RBM33: variants seen among roughly 807,000 people sequenced by gnomAD.
The protein encoded by RBM33 is RNA binding motif protein 33.
A neutral mutation model predicts 132.6 loss-of-function variants in RBM33; 28 were observed. That is an observed-to-expected ratio of 0.21 (90% CI 0.16 to 0.29). The LOEUF is 0.29. Ranked by LOEUF, RBM33 falls within the 10% of genes least tolerant of loss-of-function variation. RBM33 has a pLI of 1.00. For synonymous variants in RBM33, 634 were observed against 593.0 expected, an observed-to-expected ratio of 1.07 and a Z score of -1.01; for missense variants, 1,291 against 1,518.5, an observed-to-expected ratio of 0.85 and a Z score of 2.49.
At chr7:155,715,741 G>T (rs1035954115) in intron 8 of RBM33, among the ~76,000 whole-genome samples, 1 of 152,188 alleles carries the variant, frequency 6.6e-6, no homozygotes, top group Non-Finnish European at 1.5e-5. Flanking sequence ...CGAAGCAGTT[G>T]TTTATTCTCT....
chr7:155,742,055 G>A lies in RBM33; in HGVS notation c.2286G>A (p.Lys762=). 2 of 1,613,988 alleles carry A rather than the reference G, an allele frequency of 1.2e-6. No individual in the cohort carries two copies. The highest frequency in any genetic ancestry group is 1.7e-6 in the Non-Finnish European group (2 of 1,179,898). Residue 762 remains lysine, a synonymous_variant, in exon 13 of 18, where the codon AAG becomes AAA. Coordinates refer to ENST00000401878, the MANE Select transcript of RBM33 (RefSeq NM_053043.3). ...AGGGAAAGACGGAAGTGAAAGTCAAGCCAGCTAGCCCTGTGGCTCAACCTA... is the reference window on the plus strand; with the variant it reads ...AGGGAAAGACGGAAGTGAAAGTCAAACCAGCTAGCCCTGTGGCTCAACCTA... The part of the protein sequence containing the change: ...SSQGKTEVKV[K]PASPVAQPKE...
At chr7:155,772,344 G>A (rs1428760787) in intron 16 of RBM33, among the ~76,000 whole-genome samples, 5 of 152,194 alleles carry the variant, frequency 3.3e-5, no homozygotes, top group Non-Finnish European at 7.3e-5. Context: ...ACTCCACACA[G>A]CCCCTTACCT....
At chr7:155,671,123 A>T (rs1798932591) in intron 2 of RBM33, among the ~76,000 whole-genome samples, 2 of 152,194 alleles carry the variant, frequency 1.3e-5, no homozygotes, top group South Asian at 4.1e-4. Context: ...GTTATCTGGA[A>T]TCAAATTTTC....
At chr7:155,722,869 A>G (rs1800668478) in intron 9 of RBM33, among the ~76,000 whole-genome samples, 1 of 152,238 alleles carries the variant, frequency 6.6e-6, no homozygotes, top group Admixed American at 6.5e-5. Context: ...TTGATTTTAC[A>G]TTGGTGTTTC....
At position 155,737,579 on chromosome 7, in the gene RBM33, T is replaced by G. The variant is rs1241164463; in HGVS notation, c.1310T>G (p.Phe437Cys). The G allele has an allele frequency of 2.5e-6, 4 of 1,613,366 alleles. No individual in the cohort carries two copies. In the Admixed American group the frequency reaches 6.7e-5, roughly 27 times the overall value. ...ACACCTGGACCTGTTCCCAACAGTT[T>G]CAGCCAGCCCCCACGACTCCCTCTC... is the stretch of plus-strand genomic sequence containing the variant. ...QHTPGPVPNS[F>C]SQPPRLPLQD... The change falls in exon 10 of 18, where the codon TTC (phenylalanine) becomes TGC (cysteine). Residue 437 changes from phenylalanine to cysteine, a missense_variant. By Grantham distance (205) the Phe-to-Cys change is radical. Around this residue, in one of 7 missense-constraint regions of RBM33, gnomAD observed 841 missense variants for 912.0 expected, o/e 0.92. Transcript: ENST00000401878.
At chr7:155,688,633 T>C (rs1439149497) in intron 5 of RBM33, among the ~76,000 whole-genome samples, 1 of 152,222 alleles carries the variant, frequency 6.6e-6, no homozygotes, top group Admixed American at 6.5e-5. Context: ...TAGCTCTTAT[T>C]ATTTTGAGAT....
chr7:155,686,061 T>A (rs901327301), intron 5 of RBM33, among the ~76,000 whole-genome samples: 4 of 152,230 alleles, frequency 2.6e-5, no homozygotes, highest in African/African-American at 9.6e-5. Context: ...TGTGTGTGTG[T>A]GCTTTCTTCT....
Position 155,711,454 on chromosome 7 carries a change from A to G in RBM33, c.1200A>G (p.Gln400=). 7.0e-7 allele frequency: 1 copy of G among 1,431,694 alleles called. No homozygotes were observed. The highest frequency in any genetic ancestry group is 9.2e-7 in the Non-Finnish European group (1 of 1,090,040). 88.7% of individuals were successfully genotyped at this position (1,431,694 alleles called of 1,614,324 possible). A position where few individuals can be genotyped will look rare whatever the true frequency, so the allele number is the denominator to read the frequency against. The change falls in exon 8 of 18, where the codon CAA becomes CAG. Residue 400 remains glutamine, a splice_region_variant and synonymous_variant. Coordinates refer to ENST00000401878, the MANE Select transcript of RBM33 (RefSeq NM_053043.3). ...AAGGGACGGTGGTCACGCCTGTTCA[A>G]GGTCTGTGTTTCCTTTTACTATTGT... ...HFKGTVVTPV[Q]VPLLPVPSQP...
chr7:155,781,291 C>T lies in RBM33; in HGVS notation c.*6250C>T, dbSNP rs375523812. On this transcript the variant is annotated 3_prime_UTR_variant, in exon 18 of 18. Coordinates refer to ENST00000401878, the MANE Select transcript of RBM33 (RefSeq NM_053043.3). ...TGGGGGAATGCCGTTGCCTGTTCCACCCCTTTGTTCACTTCGCGTTAACTG... is the reference window on the plus strand; with the variant it reads ...TGGGGGAATGCCGTTGCCTGTTCCATCCCTTTGTTCACTTCGCGTTAACTG... 6.0e-4 allele frequency: 92 copies of T among 152,370 alleles called. No homozygotes were observed. The highest frequency in any genetic ancestry group is 2.1e-3 in the African/African-American group (89 of 41,572). The allele number at this position is 152,370 out of a possible 1,614,324, so 9.4% of individuals were successfully genotyped here.
intron 3 of RBM33, among the ~76,000 whole-genome samples, chr7:155,677,213 CT>C (rs1434381804): frequency 2.1e-5 from 2 of 95,998 alleles, no homozygotes; most frequent in African/African-American, 8.2e-5. Flanking sequence ...ACTTCATTTT[CT>C]TTTTTTCTTT....
chr7:155,781,374 A>C lies in RBM33; in HGVS notation c.*6333A>C, dbSNP rs1261902768. 1 of 152,238 alleles carries C rather than the reference A, an allele frequency of 6.6e-6. No homozygotes were observed. The highest frequency in any genetic ancestry group is 2.4e-5 in the African/African-American group (1 of 41,432). The allele number at this position is 152,238 out of a possible 1,614,324, so 9.4% of individuals were successfully genotyped here. A position where few individuals can be genotyped will look rare whatever the true frequency, so the allele number is the denominator to read the frequency against. ...ATGGTAATGACGTAGTTGAAAGGAA[A>C]ATGTACTGTTGTGTGTTTCATTTGT... On this transcript the variant is annotated 3_prime_UTR_variant, in exon 18 of 18. Transcript: ENST00000401878.
chr7:155,763,957 A>G lies in RBM33; in HGVS notation c.3125A>G (p.His1042Arg). ...QQPPHLPAGPHAHSPVPPGIK... is the reference protein window; with the variant it reads ...QQPPHLPAGPRAHSPVPPGIK... ...CCCCCACATCTGCCAGCGGGGCCCC[A>G]CGCACACTCGCCTGTCCCTCCAGGG... The change falls in exon 15 of 18, where the codon CAC becomes CGC. Residue 1042 changes from histidine to arginine, a missense_variant. This residue lies in a region of RBM33 where 841 missense variants were observed against 912.0 expected (regional missense o/e 0.92). Transcript: ENST00000401878. The G allele has an allele frequency of 1.3e-6, 2 of 1,598,172 alleles. No homozygotes were observed. The highest frequency in any genetic ancestry group is 2.3e-5 in the South Asian group (2 of 88,402).
rs757991665 is a variant in RBM33, at chr7:155,745,468, G to T, written c.2845G>T (p.Val949Leu). 2.5e-6 allele frequency: 4 copies of T among 1,613,800 alleles called. No homozygotes were observed. The South Asian group carries it at 4.4e-5, about 18-fold the overall frequency. The change falls in exon 14 of 18, where the codon GTG becomes TTG. Residue 949 changes from valine (V) to leucine (L), a missense_variant. Coordinates refer to ENST00000401878, the MANE Select transcript of RBM33 (RefSeq NM_053043.3). The surrounding 1 kb of genome is among the most constrained non-coding windows in gnomAD (Gnocchi z 4.1). ...EEPAVPQTPR[V>L]ASIQGRPQDT... ...GCCAGCTGTCCCCCAGACTCCTCGA[G>T]TGGCGTCCATCCAGGGCCGGCCCCA...
intron 16 of RBM33, among the ~76,000 whole-genome samples, chr7:155,768,830 G>T (rs1453255165): frequency 6.6e-6 from 1 of 152,030 alleles, no homozygotes; most frequent in African/African-American, 2.4e-5. Context: ...AGCCAGGATG[G>T]TCTTGATCTC....
Position 155,774,953 on chromosome 7 carries a change from G to A in RBM33, c.3465-40G>A, listed in dbSNP as rs1802554707. Reference sequence around the variant, plus strand: ...CCACCTTGGTAGGTTGATTGCCGATGTGCAGGGTTAGTGTCGATCGTTTCT... The same window carrying A: ...CCACCTTGGTAGGTTGATTGCCGATATGCAGGGTTAGTGTCGATCGTTTCT... On this transcript the variant is annotated intron_variant, in intron 17 of 17. Transcript: ENST00000401878. The surrounding 1 kb of genome is among the most constrained non-coding windows in gnomAD (Gnocchi z 4.2). 1 of 1,599,572 alleles carries A rather than the reference G, an allele frequency of 6.3e-7. No homozygotes were observed. Among genetic ancestry groups the A allele is most frequent in the Admixed American group, 1.7e-5 (1 of 59,984 alleles).
At chr7:155,663,417 C>G (rs1798710361) in intron 1 of RBM33, among the ~76,000 whole-genome samples, 1 of 151,946 alleles carries the variant, frequency 6.6e-6, no homozygotes, top group East Asian at 1.9e-4. Flanking sequence ...GAAGGCCAAG[C>G]AGGAACAGGC....
chr7:155,684,790 C>T, intron 5 of RBM33: 3 of 863,426 alleles, frequency 3.5e-6, no homozygotes, highest in Non-Finnish European at 5.2e-6. Flanking sequence ...GTTTCTGGGC[C>T]TGGTGCTTTG....
Position 155,775,096 on chromosome 7 carries a change from A to G in RBM33, c.*55A>G, listed in dbSNP as rs936850460. 6.6e-7 allele frequency: 1 copy of G among 1,519,038 alleles called. No individual in the cohort carries two copies. Among genetic ancestry groups the G allele is most frequent in the African/African-American group, 1.4e-5 (1 of 73,022 alleles). 94.1% of individuals were successfully genotyped at this position (1,519,038 alleles called of 1,614,324 possible). ...GTACACACACTGTGGAATTTCTTCAAGGGAGCTGCCGGCCGGCGCAGAACC... is the reference window on the plus strand; with the variant it reads ...GTACACACACTGTGGAATTTCTTCAGGGGAGCTGCCGGCCGGCGCAGAACC... On this transcript the variant is annotated 3_prime_UTR_variant, in exon 18 of 18. Transcript: ENST00000401878.
At chr7:155,707,268 T>A (rs1314988335) in intron 7 of RBM33, 200 bp downstream of exon 7, 1 of 681,620 alleles carries the variant, frequency 1.5e-6, no homozygotes, top group South Asian at 1.5e-5. Context: ...AGTCATCTGG[T>A]AGTAAGAAAT....
Sources: allele counts gnomAD v4.1 joint callset (sites outside exome capture counted in the v4.1 genomes callset), GRCh38; gene constraint gnomAD v4.1.1; regional missense constraint gnomAD v4.1.1; non-coding constraint Gnocchi (gnomAD v3.1); transcripts MANE v1.5; gene names NCBI Gene and HGNC (gene_info 2026-07-23, HGNC 2026-07-21).